The following KCNMA1 variants were observed in gnomAD, a reference collection of about 807,000 sequenced individuals.
The protein encoded by KCNMA1 is Calcium-activated potassium channel subunit alpha-1.
KCNMA1 carries 29 observed loss-of-function variants against 140.0 expected under a neutral mutation model. That is an observed-to-expected ratio of 0.21 (90% CI 0.15 to 0.28). KCNMA1 has a LOEUF of 0.28. Ranked by LOEUF, KCNMA1 falls within the 10% of genes least tolerant of loss-of-function variation. The probability of loss-of-function intolerance (pLI) is 1.00; values close to 1 mark genes in which losing one functional copy is unlikely to be tolerated. For synonymous variants in KCNMA1, 612 were observed against 611.9 expected, an observed-to-expected ratio of 1.00 and a Z score of 0.00; for missense variants, 880 against 1,602.2, an observed-to-expected ratio of 0.55 and a Z score of 7.70.
chr10:77,408,477 A>G (rs949953989), intron 1 of KCNMA1, among the ~76,000 whole-genome samples: 16 of 148,706 alleles, frequency 1.1e-4, no homozygotes, highest in South Asian at 2.1e-4. Flanking sequence ...TGCACGTGTG[A>G]GTGTGTACGT....
intron 1 of KCNMA1, among the ~76,000 whole-genome samples, chr10:77,405,400 G>A (rs1226842494): frequency 6.6e-6 from 1 of 152,216 alleles, no homozygotes; most frequent in Non-Finnish European, 1.5e-5. Flanking sequence ...CTGGGACAGA[G>A]TTGGCTCAAT....
intron 1 of KCNMA1, among the ~76,000 whole-genome samples, chr10:77,406,780 G>A (rs1443094930): frequency 1.3e-5 from 2 of 152,134 alleles, no homozygotes; most frequent in Non-Finnish European, 2.9e-5. Flanking sequence ...CCACATCTGA[G>A]GCTCTAGTGT....
chr10:76,881,417 T>A (rs962712564), downstream of KCNMA1, among the ~76,000 whole-genome samples: 3 of 151,972 alleles, frequency 2.0e-5, no homozygotes, highest in Non-Finnish European at 4.4e-5. Flanking sequence ...TAAATGTGAG[T>A]TGTTAAGGTT....
At chr10:77,621,584 G>C (rs1354460805) in intron 1 of KCNMA1, among the ~76,000 whole-genome samples, 3 of 151,818 alleles carry the variant, frequency 2.0e-5, no homozygotes, top group Non-Finnish European at 4.4e-5. Context: ...CTTAAATTCT[G>C]CATCCTACCT....
rs982356041 is a variant in KCNMA1 at position 77,070,603 on chromosome 10, T to A, written c.1749+2494A>T. Among the ~76,000 whole-genome samples, 7 of 152,290 alleles carry A rather than the reference T, an allele frequency of 4.6e-5. No homozygotes were observed. The East Asian group carries it at 1.2e-3, about 25-fold the overall frequency. ...GGAAATATTGATGAATTCTCCGTCATAGGATACGGAGGTCATTGGAGAAGG... is the reference window on the plus strand; with the variant it reads ...GGAAATATTGATGAATTCTCCGTCAAAGGATACGGAGGTCATTGGAGAAGG... On this transcript the variant is annotated intron_variant, in intron 14 of 27. Coordinates refer to ENST00000286628, the MANE Select transcript of KCNMA1 (RefSeq NM_001161352.2).
intron 2 of KCNMA1, among the ~76,000 whole-genome samples, chr10:77,352,680 G>A (rs774175108): frequency 8.6e-5 from 13 of 151,970 alleles, no homozygotes; most frequent in Non-Finnish European, 1.6e-4. Context: ...AACAAACACT[G>A]CTCCTTCTGT....
intron 2 of KCNMA1, among the ~76,000 whole-genome samples, chr10:77,257,312 A>C: frequency 6.6e-6 from 1 of 152,320 alleles, no homozygotes; most frequent in East Asian, 1.9e-4. Context: ...GAAATGCAAA[A>C]CTGAAACAGT....
intron 2 of KCNMA1, among the ~76,000 whole-genome samples, chr10:77,335,481 A>T (rs1328515168): frequency 6.6e-6 from 1 of 152,226 alleles, no homozygotes; most frequent in Non-Finnish European, 1.5e-5. Flanking sequence ...AAATTTTAAA[A>T]GTAAAGATGC....
At chr10:77,575,727 G>C (rs1490778805) in intron 1 of KCNMA1, among the ~76,000 whole-genome samples, 2 of 152,238 alleles carry the variant, frequency 1.3e-5, no homozygotes, top group Admixed American at 1.3e-4. Context: ...ATACCCAGAG[G>C]CTATTCGGAT....
downstream of KCNMA1, among the ~76,000 whole-genome samples, chr10:76,880,462 T>C (rs1476581345): frequency 6.6e-6 from 1 of 152,112 alleles, no homozygotes; most frequent in Non-Finnish European, 1.5e-5. Context: ...TCCTAAGATA[T>C]AAATGTGTGT....
intron 1 of KCNMA1, among the ~76,000 whole-genome samples, chr10:77,516,257 C>T (rs1384129120): frequency 2.6e-5 from 4 of 151,966 alleles, no homozygotes; most frequent in Admixed American, 2.6e-4. Context: ...CACACTTGCT[C>T]TTCCTTCTGC....
chr10:77,326,660 C>T (rs1392893473), intron 2 of KCNMA1, among the ~76,000 whole-genome samples: 1 of 152,056 alleles, frequency 6.6e-6, no homozygotes, highest in Non-Finnish European at 1.5e-5. Context: ...ACATATGGCC[C>T]AATGCTTATT....
At chr10:77,582,582 T>A (rs1338438207) in intron 1 of KCNMA1, among the ~76,000 whole-genome samples, 4 of 152,146 alleles carry the variant, frequency 2.6e-5, no homozygotes, top group Non-Finnish European at 5.9e-5. Flanking sequence ...AGTAAAATTT[T>A]TAAAAAATGT....
At chr10:77,267,861 A>G (rs2154276542) in intron 2 of KCNMA1, among the ~76,000 whole-genome samples, 1 of 152,352 alleles carries the variant, frequency 6.6e-6, no homozygotes, top group Admixed American at 6.5e-5. Context: ...AAGTTGACAC[A>G]GGAGATCACC....
At chr10:77,068,428 T>C (rs145437608) in intron 14 of KCNMA1, among the ~76,000 whole-genome samples, 14 of 152,206 alleles carry the variant, frequency 9.2e-5, no homozygotes, top group African/African-American at 3.4e-4. Flanking sequence ...GACAAAAACT[T>C]TGTGTGTCCA....
chr10:77,341,950 A>G (rs1003056690), intron 2 of KCNMA1, among the ~76,000 whole-genome samples: 4 of 152,182 alleles, frequency 2.6e-5, no homozygotes, highest in Non-Finnish European at 4.4e-5. Flanking sequence ...CCCACCATGG[A>G]CAGACCCCTC....
chr10:76,946,462 C>T (rs2063986555), intron 22 of KCNMA1, among the ~76,000 whole-genome samples: 1 of 152,188 alleles, frequency 6.6e-6, no homozygotes, highest in African/African-American at 2.4e-5. Flanking sequence ...AGAGACTTGG[C>T]TGCAGAGATG....
intron 14 of KCNMA1, among the ~76,000 whole-genome samples, chr10:77,067,407 T>G (rs1188197898): frequency 6.6e-6 from 1 of 152,206 alleles, no homozygotes; most frequent in African/African-American, 2.4e-5. Context: ...TTCCTGGGTC[T>G]CCAGTTTATA....
intron 5 of KCNMA1, among the ~76,000 whole-genome samples, chr10:77,125,905 C>T (rs2097721584): frequency 6.6e-6 from 1 of 152,178 alleles, no homozygotes; most frequent in Non-Finnish European, 1.5e-5. Context: ...AAGCCAGAAG[C>T]CCTGCGGGGT....
Sources: gnomAD v4.1 joint callset for allele counts (sites outside exome capture counted in the v4.1 genomes callset) on GRCh38, gnomAD v4.1.1 for gene constraint, MANE v1.5 for transcripts, NCBI Gene and HGNC (gene_info 2026-07-23, HGNC 2026-07-21) for gene names.